AHCYL1: variants seen among roughly 807,000 people sequenced by gnomAD.
AHCYL1 encodes the protein adenosylhomocysteinase like 1.
In AHCYL1, 20 loss-of-function variants were observed where a neutral mutation model predicts 79.3. The ratio of observed to expected loss-of-function variants is 0.25; its 90% CI spans 0.18 to 0.37. The LOEUF (loss-of-function observed/expected upper bound fraction) is 0.37. Ranked by LOEUF, AHCYL1 falls within the 10% of genes least tolerant of loss-of-function variation. AHCYL1 has a pLI of 1.00. For missense variants in AHCYL1, 330 were observed against 673.6 expected (o/e 0.49, Z 5.65); for synonymous variants, 223 against 242.2 (o/e 0.92, Z 0.74).
At chr1:110,001,416 C>T (rs139880412) in intron 1 of AHCYL1, among the ~76,000 whole-genome samples, 13 of 152,270 alleles carry the variant, frequency 8.5e-5, no homozygotes, top group African/African-American at 2.6e-4. Context: ...AAACTCCTGA[C>T]CTTAGGTGAT....
At chr1:110,020,234 A>G (rs1424145200) in intron 15 of AHCYL1, among the ~76,000 whole-genome samples, 1 of 152,188 alleles carries the variant, frequency 6.6e-6, no homozygotes, top group African/African-American at 2.4e-5. Flanking sequence ...AAGCTTATCT[A>G]TGGAAAAGTA....
chr1:110,001,064 C>A (rs1650283385), intron 1 of AHCYL1: 2 of 590,288 alleles, frequency 3.4e-6, no homozygotes, highest in Non-Finnish European at 2.1e-6. Context: ...GGTGGTGTTA[C>A]CAGTGATGCT....
intron 3 of AHCYL1, 22 bp from the exon 4 acceptor site, chr1:110,012,340 C>T (rs1328066251): frequency 1.2e-6 from 2 of 1,609,180 alleles, no homozygotes; most frequent in East Asian, 2.2e-5. Context: ...AGACCTAGCT[C>T]AAATCCTCTG....
At chr1:110,011,774 T>C (rs1455948120) in intron 3 of AHCYL1, among the ~76,000 whole-genome samples, 3 of 152,216 alleles carry the variant, frequency 2.0e-5, no homozygotes, top group African/African-American at 7.2e-5. Context: ...CCTAGAGTCT[T>C]GTTTGGTCCT....
Position 110,011,335 on chromosome 1 carries a change from G to A in AHCYL1, c.354G>A (p.Arg118=). 6.2e-7 allele frequency: 1 copy of A among 1,614,116 alleles called. No individual in the cohort carries two copies. The highest frequency in any genetic ancestry group is 8.5e-7 in the Non-Finnish European group (1 of 1,179,994). The change falls in exon 3 of 17, where the codon CGG becomes CGA. Residue 118 remains arginine (R), a synonymous_variant. Transcript: ENST00000369799. The part of the protein sequence containing the change: ...KNIKQAEFGR[R]EIEIAEQDMS... The stretch of plus-strand genomic sequence containing the variant: ...TCAAGCAGGCAGAATTTGGACGCCG[G>A]GAGATTGAGATTGCAGAGCAAGGTA...
At chr1:110,012,215 CCG>C (rs1486840677) in intron 3 of AHCYL1, 145 bp from the exon 4 acceptor site, 1 of 593,208 alleles carries the variant, frequency 1.7e-6, no homozygotes, top group African/African-American at 1.9e-5. Flanking sequence ...TATTACTGTG[CCG>C]TTGAAGCTGC....
Position 110,020,912 on chromosome 1 carries a change from C to G in AHCYL1, c.1586+61C>G. 2.6e-6 allele frequency: 4 copies of G among 1,559,198 alleles called. No homozygotes were observed. In the South Asian group the frequency reaches 4.9e-5, roughly 19 times the overall value. ...CCCAGTATTAAACCAAGCAGGCTAGCCTGCTTCTGACATAAAGATCAAATG... is the reference window on the plus strand; with the variant it reads ...CCCAGTATTAAACCAAGCAGGCTAGGCTGCTTCTGACATAAAGATCAAATG... On this transcript the variant is annotated intron_variant, in intron 16 of 16. Transcript: ENST00000369799.
intron 15 of AHCYL1, 120 bp downstream of exon 15, chr1:110,019,746 T>G (rs1651671343): frequency 3.1e-6 from 3 of 954,342 alleles, no homozygotes; most frequent in Non-Finnish European, 4.7e-6. Flanking sequence ...TTACTGGTTG[T>G]TTGACCTCAG....
chr1:110,001,459 T>C (rs190901104), intron 1 of AHCYL1, among the ~76,000 whole-genome samples: 1 of 152,344 alleles, frequency 6.6e-6, no homozygotes, highest in African/African-American at 2.4e-5. Context: ...GTGCTGGGAT[T>C]ACAGGCGTGA....
rs1188239888 is a variant in AHCYL1, at chr1:110,021,789, A to G, written c.*109A>G. The G allele has an allele frequency of 4.0e-6, 5 of 1,244,994 alleles. No individual in the cohort carries two copies. The South Asian group carries it at 6.9e-5, about 17-fold the overall frequency. The allele number at this position is 1,244,994 out of a possible 1,614,324, so 77.1% of individuals were successfully genotyped here. On this transcript the variant is annotated 3_prime_UTR_variant, in exon 17 of 17. Coordinates refer to ENST00000369799, the MANE Select transcript of AHCYL1 (RefSeq NM_006621.7). ...CTCCTTTCCTCTTGATTTTTTTCCT[A>G]TAATTTCATTCTTGTTTTTTCATCT... is the stretch of plus-strand genomic sequence containing the variant.
At chr1:110,007,253 G>T (rs1359775936) in intron 1 of AHCYL1, among the ~76,000 whole-genome samples, 1 of 152,190 alleles carries the variant, frequency 6.6e-6, no homozygotes, top group African/African-American at 2.4e-5. Flanking sequence ...GCAGAGGGGA[G>T]AGTAGCTTCC....
chr1:109,994,965 G>A (rs1187691499), intron 1 of AHCYL1, among the ~76,000 whole-genome samples: 1 of 152,180 alleles, frequency 6.6e-6, no homozygotes, highest in African/African-American at 2.4e-5. Flanking sequence ...AGTGTAATAA[G>A]ATGTATTGTA....
rs1651890606 is a variant in AHCYL1 at position 110,022,964 on chromosome 1, T to C, written c.*1284T>C. 6.6e-6 allele frequency: 1 copy of C among 152,618 alleles called. No individual in the cohort carries two copies. 9.5% of individuals were successfully genotyped at this position (152,618 alleles called of 1,614,324 possible). A position where few individuals can be genotyped will look rare whatever the true frequency, so the allele number is the denominator to read the frequency against. On this transcript the variant is annotated 3_prime_UTR_variant, in exon 17 of 17. Transcript: ENST00000369799. ...TCCTGGCTCATGCTCTGAAAGAATA[T>C]CCAGAGAGGCTCTCTCAAAGATCAG...
At chr1:109,990,255 C>T (rs1369336335) in intron 1 of AHCYL1, among the ~76,000 whole-genome samples, 2 of 152,186 alleles carry the variant, frequency 1.3e-5, no homozygotes, top group Non-Finnish European at 2.9e-5. Context: ...GTCCTTTTCT[C>T]ATCTGTAAAA....
At chr1:109,996,665 A>T (rs1472738202) in intron 1 of AHCYL1, among the ~76,000 whole-genome samples, 3 of 152,238 alleles carry the variant, frequency 2.0e-5, no homozygotes, top group Non-Finnish European at 2.9e-5. Context: ...AGAGACTTTA[A>T]ATGACTGGCA....
chr1:109,986,675 G>A (rs2101687054), intron 1 of AHCYL1, among the ~76,000 whole-genome samples: 1 of 152,328 alleles, frequency 6.6e-6, no homozygotes, highest in South Asian at 2.1e-4. Context: ...CTTCTTTGCT[G>A]TTACTTGCCT....
At chr1:110,006,311 C>T (rs1650652513) in intron 1 of AHCYL1, among the ~76,000 whole-genome samples, 2 of 152,106 alleles carry the variant, frequency 1.3e-5, no homozygotes, top group African/African-American at 4.8e-5. Flanking sequence ...CTTTCCATTC[C>T]TTCTCTTCCC....
At chr1:109,998,840 G>A (rs945922719) in intron 1 of AHCYL1, among the ~76,000 whole-genome samples, 1 of 152,094 alleles carries the variant, frequency 6.6e-6, no homozygotes, top group Non-Finnish European at 1.5e-5. Context: ...ATTTTTTTCA[G>A]CTTTATTAAG....
intron 1 of AHCYL1, chr1:109,985,471 AG>A (rs1027813605): frequency 6.3e-6 from 7 of 1,107,506 alleles, no homozygotes; most frequent in South Asian, 2.6e-5. Context: ...CGAGAGTGGG[AG>A]GGGGTGAACC....
Sources: gnomAD v4.1 joint callset for allele counts (sites outside exome capture counted in the v4.1 genomes callset) on GRCh38, gnomAD v4.1.1 for gene constraint, MANE v1.5 for transcripts, NCBI Gene and HGNC (gene_info 2026-07-23, HGNC 2026-07-21) for gene names.